Variants in NEK10 observed in about 807,000 individuals in gnomAD.
NEK10 encodes serine/threonine-protein kinase Nek10.
A neutral mutation model predicts 159.8 loss-of-function variants in NEK10; 122 were observed. That is an observed-to-expected ratio of 0.76 (90% CI 0.66 to 0.89). The LOEUF (loss-of-function observed/expected upper bound fraction) is 0.89, where lower values mean the gene tolerates loss of function less well. Ranked by LOEUF, NEK10 falls within the 40% of genes least tolerant of loss-of-function variation. The probability of loss-of-function intolerance (pLI) is 0.00; values close to 1 mark genes in which losing one functional copy is unlikely to be tolerated. For synonymous variants in NEK10, 466 were observed against 457.1 expected, an observed-to-expected ratio of 1.02 and a Z score of -0.25; for missense variants, 1,342 against 1,323.1, an observed-to-expected ratio of 1.01 and a Z score of -0.22.
At chr3:27,240,246 C>A (rs1442259204) in intron 23 of NEK10, among the ~76,000 whole-genome samples, 1 of 151,966 alleles carries the variant, frequency 6.6e-6, no homozygotes, top group African/African-American at 2.4e-5. Context: ...AATTCAGATC[C>A]AACAGCCTTG....
Position 27,174,638 on chromosome 3 carries a change from C to T in NEK10, c.2689+12G>A. 1 of 1,605,590 alleles carries T rather than the reference C, an allele frequency of 6.2e-7. No homozygotes were observed. Among genetic ancestry groups the T allele is most frequent in the Non-Finnish European group, 8.5e-7 (1 of 1,176,040 alleles). On this transcript the variant is annotated intron_variant, in intron 27 of 35. Transcript: ENST00000691995. ...AGCAGTACCTACGTTGACACACTGC[C>T]ACTAGCAGTACCTTTCTCAGCATTT... is the stretch of plus-strand genomic sequence containing the variant.
chr3:27,260,389 G>A (rs568676942), intron 22 of NEK10, among the ~76,000 whole-genome samples: 1 of 152,254 alleles, frequency 6.6e-6, no homozygotes, highest in Non-Finnish European at 1.5e-5. Flanking sequence ...TTTGAGATAG[G>A]TCCCATCAAT....
At chr3:27,126,796 A>G (rs913648370) in intron 32 of NEK10, among the ~76,000 whole-genome samples, 5 of 152,070 alleles carry the variant, frequency 3.3e-5, no homozygotes, top group Non-Finnish European at 7.4e-5. Context: ...TCCAACTCCT[A>G]GACAGCCAAC....
intron 23 of NEK10, among the ~76,000 whole-genome samples, chr3:27,245,228 C>T (rs903118508): frequency 4.6e-5 from 7 of 152,180 alleles, no homozygotes; most frequent in African/African-American, 1.7e-4. Context: ...GTCTTGATTC[C>T]TGAAGCCATT....
At chr3:27,164,560 TA>T (rs1235161652) in intron 29 of NEK10, among the ~76,000 whole-genome samples, 4 of 152,254 alleles carry the variant, frequency 2.6e-5, no homozygotes, top group Non-Finnish European at 4.4e-5. Context: ...TTTTACATCT[TA>T]ATTAATATTA....
intron 5 of NEK10, among the ~76,000 whole-genome samples, chr3:27,339,778 CAAA>C (rs33927068): frequency 1.1e-3 from 135 of 119,906 alleles, no homozygotes; most frequent in Middle Eastern, 4.6e-3. Flanking sequence ...GACTCCATCT[CAAA>C]AAAAAAAAAA....
chr3:27,141,329 C>T (rs1327807729), intron 31 of NEK10, among the ~76,000 whole-genome samples, 153 bp downstream of exon 31: 1 of 152,172 alleles, frequency 6.6e-6, no homozygotes, highest in East Asian at 1.9e-4. Flanking sequence ...GCCTTCCCAG[C>T]TCTGCTGCTA....
intron 26 of NEK10, among the ~76,000 whole-genome samples, chr3:27,185,887 G>T (rs1948572461): frequency 6.6e-6 from 1 of 152,152 alleles, no homozygotes; most frequent in Admixed American, 6.5e-5. Flanking sequence ...ATGATATAAT[G>T]CAAGATACTG....
chr3:27,224,533 T>C (rs1032933534), intron 23 of NEK10, among the ~76,000 whole-genome samples: 3 of 152,232 alleles, frequency 2.0e-5, no homozygotes, highest in Non-Finnish European at 1.5e-5. Context: ...ACTCTTCTAA[T>C]GCACAGAAGT....
In NEK10 at chr3:27,284,640, T is replaced by C. The variant is rs55833401; in HGVS notation, c.1976A>G (p.Asn659Ser). ...GTCCTTATCCCCCAACATAATGTTGTTTGGTGTCAGATCTCTATGGACAAT... is the reference window on the plus strand; with the variant it reads ...GTCCTTATCCCCCAACATAATGTTGCTTGGTGTCAGATCTCTATGGACAAT... ...KRIVHRDLTP[N>S]NIMLGDKDKV... The change falls in exon 22 of 36, where the codon AAC becomes AGC. Residue 659 changes from asparagine (N) to serine (S), a missense_variant. Coordinates refer to ENST00000691995, the MANE Select transcript of NEK10 (RefSeq NM_001394966.1). The C allele has an allele frequency of 5.4e-3, 8,619 of 1,606,922 alleles. 416 individuals are homozygous for C. The African/African-American group carries it at 0.1, about 19-fold the overall frequency.
intron 32 of NEK10, among the ~76,000 whole-genome samples, chr3:27,130,184 T>C (rs1942450402): frequency 6.6e-6 from 1 of 152,198 alleles, no homozygotes; most frequent in South Asian, 2.1e-4. Flanking sequence ...GGGCTTGTAG[T>C]ATCAGACAAG....
At chr3:27,324,863 A>G (rs1012760675) in intron 5 of NEK10, among the ~76,000 whole-genome samples, 3 of 152,084 alleles carry the variant, frequency 2.0e-5, no homozygotes, top group Non-Finnish European at 4.4e-5. Context: ...CTCTGGCCTC[A>G]TGTCTTTCCA....
intron 5 of NEK10, among the ~76,000 whole-genome samples, chr3:27,335,723 C>T (rs140125873): frequency 6.6e-5 from 10 of 152,232 alleles, no homozygotes; most frequent in East Asian, 1.9e-4. Context: ...TTGGAAACTA[C>T]ACAAATACAT....
intron 15 of NEK10, among the ~76,000 whole-genome samples, chr3:27,294,660 C>G (rs1013961446): frequency 6.6e-6 from 1 of 152,152 alleles, no homozygotes; most frequent in Non-Finnish European, 1.5e-5. Flanking sequence ...CCTGCCAGCA[C>G]AGAGACACCC....
chr3:27,121,153 T>C (rs981903315), intron 32 of NEK10, among the ~76,000 whole-genome samples: 1 of 152,162 alleles, frequency 6.6e-6, no homozygotes, highest in African/African-American at 2.4e-5. Context: ...CCATCTTTTT[T>C]TCATAATAAC....
intron 22 of NEK10, among the ~76,000 whole-genome samples, chr3:27,268,542 C>T (rs1223595720): frequency 1.3e-5 from 2 of 152,180 alleles, no homozygotes; most frequent in Non-Finnish European, 2.9e-5. Flanking sequence ...AGTGGAACAA[C>T]AAAGTCTGAA....
intron 30 of NEK10, among the ~76,000 whole-genome samples, chr3:27,147,829 C>G (rs560761654): frequency 6.6e-6 from 1 of 152,182 alleles, no homozygotes; most frequent in Non-Finnish European, 1.5e-5. Flanking sequence ...ACCAGTCTTA[C>G]GCTTAATTTA....
At position 27,109,785 on chromosome 3, in the gene NEK10, A is replaced by T. The variant is rs1406681868; in HGVS notation, c.*1487T>A. Among the ~76,000 whole-genome samples the T allele has an allele frequency of 6.6e-6, 1 of 152,212 alleles. No homozygotes were observed. The highest frequency in any genetic ancestry group is 1.5e-5 in the Non-Finnish European group (1 of 68,038). Reference sequence around the variant, plus strand: ...CACATATGGATAGAATTAGTTTGAAAGCTGAAACTGAAATTTTCATTACTG... The same window carrying T: ...CACATATGGATAGAATTAGTTTGAATGCTGAAACTGAAATTTTCATTACTG... On this transcript the variant is annotated 3_prime_UTR_variant, in exon 36 of 36. Coordinates refer to ENST00000691995, the MANE Select transcript of NEK10 (RefSeq NM_001394966.1).
intron 5 of NEK10, among the ~76,000 whole-genome samples, chr3:27,328,329 T>C (rs62255653): frequency 0.23 from 35,614 of 152,086 alleles, 4,528 homozygotes; most frequent in Middle Eastern, 0.36. Flanking sequence ...TATCAGGTGG[T>C]GGCCAGTGGA....
Sources: gnomAD v4.1 joint callset for allele counts (sites outside exome capture counted in the v4.1 genomes callset) on GRCh38, gnomAD v4.1.1 for gene constraint, MANE v1.5 for transcripts, NCBI Gene and HGNC (gene_info 2026-07-23, HGNC 2026-07-21) for gene names.